The following NRIP3 variants were observed in gnomAD, a reference collection of about 807,000 sequenced individuals.
NRIP3 encodes nuclear receptor-interacting protein 3.
Under a neutral mutation model 29.0 loss-of-function variants are expected in NRIP3, and 31 were observed. That is an observed-to-expected ratio of 1.07 (90% CI 0.80 to 1.44). NRIP3 has a LOEUF of 1.44. Ranked by LOEUF, NRIP3 falls within the 40% of genes most tolerant of loss-of-function variation. The probability of loss-of-function intolerance (pLI) is 0.00; values close to 1 mark genes in which losing one functional copy is unlikely to be tolerated. For synonymous variants in NRIP3, 131 were observed against 118.3 expected (o/e 1.11, Z -0.70); for missense variants, 314 against 297.9 (o/e 1.05, Z -0.40).
At chr11:8,998,862 C>T (rs1022460245) in intron 1 of NRIP3, among the ~76,000 whole-genome samples, 1 of 134,602 alleles carries the variant, frequency 7.4e-6, no homozygotes, top group Admixed American at 8.7e-5. Flanking sequence ...GGCACGATCT[C>T]GGCTCACTGC....
At chr11:8,990,556 C>T (rs916155761) in intron 1 of NRIP3, among the ~76,000 whole-genome samples, 1 of 152,124 alleles carries the variant, frequency 6.6e-6, no homozygotes, top group African/African-American at 2.4e-5. Flanking sequence ...AAGGCCGAGG[C>T]AGGCGGATCT....
At chr11:8,984,334 C>T (rs970529733) in intron 4 of NRIP3, among the ~76,000 whole-genome samples, 1 of 151,990 alleles carries the variant, frequency 6.6e-6, no homozygotes, top group African/African-American at 2.4e-5. Context: ...GCAATCTCGG[C>T]TCACTGCAAC....
chr11:8,985,628 G>A, intron 4 of NRIP3, 83 bp downstream of exon 4: 1 of 1,499,874 alleles, frequency 6.7e-7, no homozygotes, highest in Non-Finnish European at 9.0e-7. Context: ...ATATTTACAG[G>A]CATGAGATGA....
chr11:8,988,410 A>G (rs1854551203), intron 1 of NRIP3, 128 bp from the exon 2 acceptor site: 5 of 753,110 alleles, frequency 6.6e-6, no homozygotes, highest in Admixed American at 5.8e-5. Context: ...TCTTATTTAT[A>G]CTTCCTTCAA....
intron 1 of NRIP3, among the ~76,000 whole-genome samples, chr11:8,992,170 C>G (rs1372458493): frequency 3.9e-5 from 6 of 152,336 alleles, no homozygotes; most frequent in Admixed American, 3.9e-4. Flanking sequence ...TTACAGGTAT[C>G]AGAACCTCTA....
intron 6 of NRIP3, 43 bp from the exon 7 acceptor site, chr11:8,983,603 A>G (rs1566134613): frequency 1.3e-6 from 2 of 1,594,738 alleles, no homozygotes; most frequent in East Asian, 4.5e-5. Flanking sequence ...TGCCAAATTC[A>G]AAAAAAGTTA....
chr11:8,992,192 T>C (rs763192056), intron 1 of NRIP3, among the ~76,000 whole-genome samples: 7 of 152,214 alleles, frequency 4.6e-5, no homozygotes, highest in Admixed American at 2.0e-4. Flanking sequence ...AGTTGAAGGA[T>C]GCAATTAGGG....
At position 8,995,598 on chromosome 11, in the gene NRIP3, T is replaced by G. The variant is rs1854687569; in HGVS notation, c.175-7316A>C. The stretch of plus-strand genomic sequence containing the variant: ...ATCCAAACCACTATAATTTCTTATC[T>G]GTACTGTCACAGCCTCCTAACTTGC... On this transcript the variant is annotated intron_variant, in intron 1 of 6. Coordinates refer to ENST00000309166, the MANE Select transcript of NRIP3 (RefSeq NM_020645.3). 2.6e-5 allele frequency among the ~76,000 whole-genome samples: 4 copies of G among 152,372 alleles called. No homozygotes were observed. The South Asian group carries it at 6.2e-4, about 24-fold the overall frequency.
intron 1 of NRIP3, among the ~76,000 whole-genome samples, chr11:8,991,823 C>G (rs1854607181): frequency 6.6e-6 from 1 of 152,192 alleles, no homozygotes; most frequent in East Asian, 1.9e-4. Flanking sequence ...TGACTGAGTT[C>G]TACAGAATAG....
intron 1 of NRIP3, 90 bp from the exon 2 acceptor site, chr11:8,988,372 C>A (rs572545134): frequency 3.0e-6 from 3 of 1,013,200 alleles, no homozygotes; most frequent in African/African-American, 1.6e-5. Flanking sequence ...AATGAAGGAG[C>A]CTCCCATAAC....
intron 2 of NRIP3, 103 bp from the exon 3 acceptor site, chr11:8,987,733 A>ACTCC: frequency 1.1e-6 from 1 of 880,060 alleles, no homozygotes; most frequent in Non-Finnish European, 1.9e-6. Context: ...AGGGTTGGAG[A>ACTCC]GCATCCTCCC....
rs1203063618 is a variant in NRIP3 at position 8,987,482 on chromosome 11, A to G, written c.422+66T>C. ...GTAGAGACCCTCACCATCTCTAACC[A>G]TAAAATAGAGTCAAGCGAAGAGTAC... On this transcript the variant is annotated intron_variant, in intron 3 of 6. Transcript: ENST00000309166. 6.0e-6 allele frequency: 7 copies of G among 1,175,430 alleles called. No individual in the cohort carries two copies. In the Admixed American group the frequency reaches 6.7e-5, roughly 11 times the overall value. The allele number at this position is 1,175,430 out of a possible 1,614,324, so 72.8% of individuals were successfully genotyped here.
chr11:8,983,839 T>C, intron 6 of NRIP3, 36 bp downstream of exon 6: 1 of 1,543,850 alleles, frequency 6.5e-7, no homozygotes, highest in Non-Finnish European at 9.0e-7. Flanking sequence ...TGATGACAAA[T>C]GGATGTGACT....
At chr11:8,995,871 C>T (rs1854693563) in intron 1 of NRIP3, among the ~76,000 whole-genome samples, 1 of 152,238 alleles carries the variant, frequency 6.6e-6, no homozygotes, top group African/African-American at 2.4e-5. Flanking sequence ...CATCCACACT[C>T]ACTTCCTTGC....
chr11:8,988,156 T>G lies in NRIP3; in HGVS notation c.301A>C (p.Lys101Gln). Residue 101 changes from lysine (K) to glutamine (Q), a missense_variant, in exon 2 of 7, where the codon AAG becomes CAG. Lys to Gln is a moderately conservative substitution (Grantham distance 53). Transcript: ENST00000309166. ...AAAATCATGTCATCCTCCTCAGACT[T>G]CTTTAGCCCCTCAGACTTAGCCTGA... ...LNQAKSEGLK[K>Q]SEEDDMILVS... 6.2e-7 allele frequency: 1 copy of G among 1,614,154 alleles called. No homozygotes were observed. The highest frequency in any genetic ancestry group is 1.3e-5 in the African/African-American group (1 of 75,040).
At chr11:8,984,553 GC>G (rs1854479953) in intron 4 of NRIP3, among the ~76,000 whole-genome samples, 1 of 152,062 alleles carries the variant, frequency 6.6e-6, no homozygotes, top group African/African-American at 2.4e-5. Context: ...ATGAGCCACC[GC>G]GCCTGGCCGA....
chr11:8,996,559 G>C (rs1422785647), intron 1 of NRIP3, among the ~76,000 whole-genome samples: 1 of 152,136 alleles, frequency 6.6e-6, no homozygotes, highest in African/African-American at 2.4e-5. Flanking sequence ...GGGATTACAG[G>C]TGTGGGCCAT....
chr11:8,987,772 C>G, intron 2 of NRIP3, 142 bp from the exon 3 acceptor site: 1 of 705,962 alleles, frequency 1.4e-6, no homozygotes. Flanking sequence ...CCCATCTTTA[C>G]CCACTGCTAA....
intron 4 of NRIP3, among the ~76,000 whole-genome samples, chr11:8,985,164 ATTTTTTTT>A (rs35528175): frequency 1.3e-5 from 1 of 79,378 alleles, no homozygotes; most frequent in South Asian, 5.2e-4. Context: ...TGCTCCTTGA[ATTTTTTTT>A]TTTTTTTTTT....
Sources: gnomAD v4.1 joint callset for allele counts (sites outside exome capture counted in the v4.1 genomes callset) on GRCh38, gnomAD v4.1.1 for gene constraint, MANE v1.5 for transcripts, NCBI Gene and HGNC (gene_info 2026-07-23, HGNC 2026-07-21) for gene names.